PUM1: variants seen among roughly 807,000 people sequenced by gnomAD.
The protein encoded by PUM1 is pumilio homolog 1.
Under a neutral mutation model 131.8 loss-of-function variants are expected in PUM1, and 13 were observed. That is an observed-to-expected ratio of 0.10 (90% CI 0.06 to 0.16). PUM1 has a LOEUF of 0.16. Ranked by LOEUF, PUM1 falls within the 10% of genes least tolerant of loss-of-function variation. The pLI, the probability that PUM1 is intolerant of heterozygous loss-of-function variation, is 1.00. For missense variants in PUM1, 961 were observed against 1,512.4 expected, an observed-to-expected ratio of 0.64 and a Z score of 6.05; for synonymous variants, 509 against 556.5, an observed-to-expected ratio of 0.91 and a Z score of 1.20.
chr1:31,008,175 C>A lies in PUM1; in HGVS notation c.433-1073G>T, dbSNP rs1642462668. On this transcript the variant is annotated intron_variant, in intron 3 of 21. Coordinates refer to ENST00000426105, the MANE Select transcript of PUM1 (RefSeq NM_001020658.2). ...AAAGGTTTAACTTTCCCATTTAACC[C>A]ATAACCCAATGATAATGGAAAAATA... Among the ~76,000 whole-genome samples the A allele has an allele frequency of 2.6e-5, 4 of 152,114 alleles. No individual in the cohort carries two copies. In the South Asian group the frequency reaches 8.3e-4, roughly 32 times the overall value.
In PUM1 at chr1:30,942,698, A is replaced by G. The variant is rs114319722; in HGVS notation, c.2995-575T>C. 1.0e-3 allele frequency among the ~76,000 whole-genome samples: 157 copies of G among 152,294 alleles called. 1 individual carries two copies. Among genetic ancestry groups the G allele is most frequent in the African/African-American group, 3.4e-3 (142 of 41,560 alleles). On this transcript the variant is annotated intron_variant, in intron 18 of 21. Coordinates refer to ENST00000426105, the MANE Select transcript of PUM1 (RefSeq NM_001020658.2). ...CTCACAACTGTAATCAAGAACAATA[A>G]TAAGAGCAATAATAGCAGCTAACAC...
chr1:30,988,588 A>G (rs2124480151), intron 7 of PUM1, among the ~76,000 whole-genome samples: 1 of 152,338 alleles, frequency 6.6e-6, no homozygotes, highest in Admixed American at 6.5e-5. Context: ...AATGTGCAGA[A>G]AAGTATGTGC....
intron 2 of PUM1, among the ~76,000 whole-genome samples, chr1:31,029,379 G>A (rs1643335665): frequency 6.6e-6 from 1 of 152,162 alleles, no homozygotes; most frequent in African/African-American, 2.4e-5. Flanking sequence ...CTCCATATTG[G>A]GAGATCCCTG....
Position 31,025,467 on chromosome 1 carries a change from G to A in PUM1, c.432+3329C>T, listed in dbSNP as rs1180131576. On this transcript the variant is annotated intron_variant, in intron 3 of 21. Transcript: ENST00000426105. ...CACAAAGAAACCAAATAACTCAAAC[G>A]AAGATATGGTGCCTAGCTTAAAAGT... Among the ~76,000 whole-genome samples, 3 of 151,092 alleles carry A rather than the reference G, an allele frequency of 2.0e-5. No homozygotes were observed. The East Asian group carries it at 5.8e-4, about 29-fold the overall frequency.
chr1:30,938,153 C>T (rs928830727), intron 20 of PUM1, among the ~76,000 whole-genome samples: 3 of 152,206 alleles, frequency 2.0e-5, no homozygotes, highest in Non-Finnish European at 4.4e-5. Context: ...AATCCTTCTG[C>T]CTCGGCCTTC....
intron 11 of PUM1, chr1:30,968,037 A>T: frequency 2.6e-6 from 1 of 387,426 alleles, no homozygotes; most frequent in South Asian, 2.2e-5. Context: ...ATAAAGACTA[A>T]GCCTTGTAAA....
At chr1:31,054,654 T>C (rs1014327372) in intron 2 of PUM1, among the ~76,000 whole-genome samples, 1 of 151,942 alleles carries the variant, frequency 6.6e-6, no homozygotes, top group African/African-American at 2.4e-5. Flanking sequence ...CATTACCACT[T>C]AGAACACATA....
chr1:30,982,134 A>C (rs2124470700), intron 7 of PUM1: 1 of 152,310 alleles, frequency 6.6e-6, no homozygotes, highest in South Asian at 2.1e-4. Context: ...CTACTAACAA[A>C]ACTTGGATTA....
rs181086596 is a variant in PUM1, at chr1:30,984,649, T to C, written c.1159-3244A>G. ...AATACTGAAGGCATAGTTTAAGAAG[T>C]AGACAAGCTGGTTTGCCTCCTTTCT... On this transcript the variant is annotated intron_variant, in intron 7 of 21. Transcript: ENST00000426105. Among the ~76,000 whole-genome samples, 18 of 152,310 alleles carry C rather than the reference T, an allele frequency of 1.2e-4. No homozygotes were observed. In the East Asian group the frequency reaches 1.5e-3, roughly 13 times the overall value.
At chr1:30,971,746 T>C (rs1247998128) in intron 10 of PUM1, among the ~76,000 whole-genome samples, 1 of 152,146 alleles carries the variant, frequency 6.6e-6, no homozygotes, top group Non-Finnish European at 1.5e-5. Flanking sequence ...ACAACTATCA[T>C]AATAAGAGAA....
Position 30,995,119 on chromosome 1 carries a change from A to G in PUM1, c.822T>C (p.Asp274=). 1 of 1,614,120 alleles carries G rather than the reference A, an allele frequency of 6.2e-7. No individual in the cohort carries two copies. The highest frequency in any genetic ancestry group is 8.5e-7 in the Non-Finnish European group (1 of 1,179,964). Residue 274 remains aspartate, a synonymous_variant, in exon 6 of 22, where the codon GAT becomes GAC. Coordinates refer to ENST00000426105, the MANE Select transcript of PUM1 (RefSeq NM_001020658.2). The stretch of plus-strand genomic sequence containing the variant: ...GTAAACCATTGGTCTTGTCCATCAC[A>G]TCACCCTCCTCCTTCAAATCTCCTA... The part of the protein sequence containing the change: ...DKLGDLKEEG[D]VMDKTNGLPV...
intron 19 of PUM1, 32 bp from the exon 20 acceptor site, chr1:30,941,304 T>C: frequency 6.3e-7 from 1 of 1,597,438 alleles, no homozygotes; most frequent in Non-Finnish European, 8.5e-7. Context: ...AAATAAAATG[T>C]ATGTGAAAGC....
chr1:30,957,448 A>G (rs1026563035), intron 14 of PUM1, among the ~76,000 whole-genome samples: 5 of 151,674 alleles, frequency 3.3e-5, no homozygotes, highest in African/African-American at 1.2e-4. Flanking sequence ...CCAAACCACT[A>G]TAGCTCTGGG....
chr1:30,999,246 T>C (rs981638199), intron 5 of PUM1, among the ~76,000 whole-genome samples: 1 of 152,160 alleles, frequency 6.6e-6, no homozygotes, highest in Admixed American at 6.5e-5. Flanking sequence ...GTGATCCTCC[T>C]GCCTTGGTCT....
intron 3 of PUM1, among the ~76,000 whole-genome samples, chr1:31,019,367 TAAAC>T (rs1308078914): frequency 6.6e-6 from 1 of 152,104 alleles, no homozygotes; most frequent in African/African-American, 2.4e-5. Flanking sequence ...CATAAATAAA[TAAAC>T]AAATTTTAGG....
intron 5 of PUM1, among the ~76,000 whole-genome samples, chr1:31,000,780 C>A (rs994023524): frequency 1.3e-5 from 2 of 152,220 alleles, no homozygotes; most frequent in Non-Finnish European, 2.9e-5. Context: ...ACACTGGTTT[C>A]TCCTGCACAC....
chr1:30,956,860 C>T (rs968969754), intron 14 of PUM1, among the ~76,000 whole-genome samples: 6 of 152,170 alleles, frequency 3.9e-5, no homozygotes, highest in Admixed American at 2.0e-4. Context: ...TGCCCTACCA[C>T]TATACTTCCA....
At chr1:31,020,591 C>T (rs976825219) in intron 3 of PUM1, among the ~76,000 whole-genome samples, 4 of 152,106 alleles carry the variant, frequency 2.6e-5, no homozygotes, top group Non-Finnish European at 4.4e-5. Flanking sequence ...ACCCCCAAAG[C>T]AGGAAGCAAA....
chr1:31,039,504 T>C (rs1643750196), intron 2 of PUM1, among the ~76,000 whole-genome samples: 1 of 152,158 alleles, frequency 6.6e-6, no homozygotes, highest in Non-Finnish European at 1.5e-5. Flanking sequence ...ATAACAGGCA[T>C]GAGCCACTGC....
Sources: allele counts gnomAD v4.1 joint callset (sites outside exome capture counted in the v4.1 genomes callset), GRCh38; gene constraint gnomAD v4.1.1; transcripts MANE v1.5; gene names NCBI Gene and HGNC (gene_info 2026-07-23, HGNC 2026-07-21).